Variants in CTTNBP2NL observed in about 807,000 individuals in gnomAD.
CTTNBP2NL encodes the protein CTTNBP2 N-terminal like.
Under a neutral mutation model 32.5 loss-of-function variants are expected in CTTNBP2NL, and 16 were observed. That is an observed-to-expected ratio of 0.49 (90% CI 0.33 to 0.75). The LOEUF (loss-of-function observed/expected upper bound fraction) is 0.75, where lower values mean the gene tolerates loss of function less well. Ranked by LOEUF, CTTNBP2NL falls within the 30% of genes least tolerant of loss-of-function variation. CTTNBP2NL has a pLI of 0.02. For synonymous variants in CTTNBP2NL, 298 were observed against 289.4 expected, an observed-to-expected ratio of 1.03 and a Z score of -0.30; for missense variants, 645 against 756.0, an observed-to-expected ratio of 0.85 and a Z score of 1.72.
Position 112,451,039 on chromosome 1 carries a change from T to C in CTTNBP2NL, c.330+1867T>C, listed in dbSNP as rs1470790186. Among the ~76,000 whole-genome samples the C allele has an allele frequency of 5.3e-5, 8 of 152,066 alleles. No individual in the cohort carries two copies. The East Asian group carries it at 1.2e-3, about 22-fold the overall frequency. On this transcript the variant is annotated intron_variant, in intron 4 of 5. Transcript: ENST00000271277. ...GTTCTGGTTTGAATAATAAATTACA[T>C]GGTCATTGTGCTTACAATGAAAAAC...
chr1:112,421,292 G>A (rs960223402), intron 3 of CTTNBP2NL, among the ~76,000 whole-genome samples: 5 of 136,822 alleles, frequency 3.7e-5, no homozygotes, highest in Non-Finnish European at 1.6e-5. Flanking sequence ...GCAACATAAT[G>A]AGACCCCCAT....
In CTTNBP2NL at chr1:112,432,275, G is replaced by A. The variant is rs542967480; in HGVS notation, c.99+16011G>A. On this transcript the variant is annotated intron_variant, in intron 3 of 5. Coordinates refer to ENST00000271277, the MANE Select transcript of CTTNBP2NL (RefSeq NM_018704.3). ...TTTTTAGTAGAGACAGGGTTTCACC[G>A]TGGTCTCGATCTCCTGACTTCATGA... is the stretch of plus-strand genomic sequence containing the variant. Among the ~76,000 whole-genome samples, 331 of 151,752 alleles carry A rather than the reference G, an allele frequency of 2.2e-3. 1 individual carries two copies. Among genetic ancestry groups the A allele is most frequent in the African/African-American group, 3.8e-3 (158 of 41,418 alleles).
At chr1:112,399,376 G>C (rs189174594) in intron 1 of CTTNBP2NL, among the ~76,000 whole-genome samples, 1 of 148,042 alleles carries the variant, frequency 6.8e-6, no homozygotes, top group Non-Finnish European at 1.5e-5. Flanking sequence ...ACAAGTTATT[G>C]ATCTACTTTG....
At chr1:112,412,805 G>GT (rs1648922359) in intron 2 of CTTNBP2NL, among the ~76,000 whole-genome samples, 1 of 151,842 alleles carries the variant, frequency 6.6e-6, no homozygotes, top group Non-Finnish European at 1.5e-5. Flanking sequence ...TTTAAGTAGA[G>GT]ACAGGGTTTC....
At chr1:112,434,753 G>T (rs375261726) in intron 3 of CTTNBP2NL, among the ~76,000 whole-genome samples, 1 of 152,040 alleles carries the variant, frequency 6.6e-6, no homozygotes, top group Non-Finnish European at 1.5e-5. Context: ...GCCAAATTAC[G>T]CATTTCCATT....
At position 112,455,918 on chromosome 1, in the gene CTTNBP2NL, T is replaced by C. The variant is rs1267537635; in HGVS notation, c.439-13T>C. The C allele has an allele frequency of 2.6e-6, 4 of 1,534,214 alleles. No homozygotes were observed. Among genetic ancestry groups the C allele is most frequent in the Middle Eastern group, 3.5e-4 (2 of 5,758 alleles). On this transcript the variant is annotated splice_polypyrimidine_tract_variant and intron_variant, in intron 5 of 5. Transcript: ENST00000271277. ...AGTTTGTCAGTATGTCTCTCTTTTC[T>C]TTTTTTTTCTAGTTGGAATTTGAAA...
chr1:112,415,012 A>T (rs1649013202), intron 2 of CTTNBP2NL: 1 of 151,830 alleles, frequency 6.6e-6, no homozygotes, highest in African/African-American at 2.4e-5. Context: ...ACACAGGGAG[A>T]CCCCATTTCT....
chr1:112,392,129 T>C (rs768018679), upstream of CTTNBP2NL, among the ~76,000 whole-genome samples: 3 of 152,208 alleles, frequency 2.0e-5, no homozygotes, highest in Admixed American at 6.5e-5. Flanking sequence ...CTAACCCACT[T>C]AGCATGATGG....
intron 1 of CTTNBP2NL, among the ~76,000 whole-genome samples, chr1:112,397,257 A>G (rs938472109): frequency 5.3e-5 from 8 of 152,220 alleles, no homozygotes; most frequent in Non-Finnish European, 1.2e-4. Context: ...ATCCCAGTCT[A>G]GGGTGGGCTG....
intron 1 of CTTNBP2NL, among the ~76,000 whole-genome samples, chr1:112,402,285 G>C (rs908988349): frequency 6.6e-6 from 1 of 152,148 alleles, no homozygotes; most frequent in Non-Finnish European, 1.5e-5. Flanking sequence ...AGGCATGTTA[G>C]CACATGCCTG....
At chr1:112,415,562 G>GTT (rs34529523) in intron 2 of CTTNBP2NL, among the ~76,000 whole-genome samples, 4 of 135,612 alleles carry the variant, frequency 2.9e-5, no homozygotes, top group Non-Finnish European at 4.7e-5. Flanking sequence ...TTTTTTTTTG[G>GTT]TTTTTTTTTT....
intron 3 of CTTNBP2NL, among the ~76,000 whole-genome samples, chr1:112,431,082 A>G (rs1649557368): frequency 6.6e-6 from 1 of 152,214 alleles, no homozygotes; most frequent in Non-Finnish European, 1.5e-5. Flanking sequence ...ATATTTTTCA[A>G]GAAAGGGGAA....
chr1:112,430,007 T>C (rs1039721936), intron 3 of CTTNBP2NL, among the ~76,000 whole-genome samples: 5 of 152,128 alleles, frequency 3.3e-5, no homozygotes, highest in Admixed American at 1.3e-4. Flanking sequence ...TAGAGTACTC[T>C]AGCAGAAAAG....
chr1:112,412,322 G>T lies in CTTNBP2NL; in HGVS notation c.-10+5G>T, dbSNP rs1040841931. 8.5e-5 allele frequency: 13 copies of T among 152,118 alleles called. No individual in the cohort carries two copies. In the South Asian group the frequency reaches 1.7e-3, roughly 19 times the overall value. The allele number at this position is 152,118 out of a possible 1,614,324, so 9.4% of individuals were successfully genotyped here. A position where few individuals can be genotyped will look rare whatever the true frequency, so the allele number is the denominator to read the frequency against. On this transcript the variant is annotated splice_donor_5th_base_variant and intron_variant, in intron 2 of 5. Coordinates refer to ENST00000271277, the MANE Select transcript of CTTNBP2NL (RefSeq NM_018704.3). ...TGTGACTCTGCCGATTATCAGGTCA[G>T]TATCACCCCTACCTCCAAGGATATC...
intron 3 of CTTNBP2NL, among the ~76,000 whole-genome samples, chr1:112,438,982 T>C (rs2483345): frequency 0.48 from 73,756 of 152,094 alleles, 21,595 homozygotes; most frequent in South Asian, 0.7. Flanking sequence ...TCTATCTATT[T>C]GACTGCTGGT....
At chr1:112,421,771 C>G (rs1649240152) in intron 3 of CTTNBP2NL, among the ~76,000 whole-genome samples, 1 of 152,294 alleles carries the variant, frequency 6.6e-6, no homozygotes, top group Non-Finnish European at 1.5e-5. Flanking sequence ...TTCCCATCCA[C>G]ACACCCAAAA....
At chr1:112,394,426 ACT>A (rs1648261836), upstream of CTTNBP2NL, among the ~76,000 whole-genome samples, 1 of 151,984 alleles carries the variant, frequency 6.6e-6, no homozygotes, top group Admixed American at 6.6e-5. Context: ...AGCACCTAAC[ACT>A]CTGTATTTGT....
At chr1:112,436,494 A>G (rs1384478048) in intron 3 of CTTNBP2NL, among the ~76,000 whole-genome samples, 2 of 152,114 alleles carry the variant, frequency 1.3e-5, no homozygotes, top group Admixed American at 6.6e-5. Context: ...TTATCCATCC[A>G]TATCCCAATC....
chr1:112,408,220 A>ATTTTTTTTTTTTT (rs397981257), intron 1 of CTTNBP2NL, among the ~76,000 whole-genome samples: 11 of 103,760 alleles, frequency 1.1e-4, no homozygotes, highest in African/African-American at 2.2e-4. Flanking sequence ...TTTTTTTTTA[A>ATTTTTTTTTTTTT]TTTTTTTTTT....
Sources: gnomAD v4.1 joint callset for allele counts (sites outside exome capture counted in the v4.1 genomes callset) on GRCh38, gnomAD v4.1.1 for gene constraint, MANE v1.5 for transcripts, NCBI Gene and HGNC (gene_info 2026-07-23, HGNC 2026-07-21) for gene names.